HIBADH: variants seen among roughly 807,000 people sequenced by gnomAD.
The protein encoded by HIBADH is 3-hydroxyisobutyrate dehydrogenase, also known as 3-hydroxyisobutyrate dehydrogenase, mitochondrial.
Under a neutral mutation model 36.1 loss-of-function variants are expected in HIBADH, and 25 were observed. The ratio of observed to expected loss-of-function variants is 0.69; its 90% CI spans 0.50 to 0.97. The LOEUF is 0.97. Ranked by LOEUF, HIBADH falls within the 50% of genes least tolerant of loss-of-function variation. The pLI is 0.00. For synonymous variants in HIBADH, 160 were observed against 149.5 expected (o/e 1.07, Z -0.51); for missense variants, 421 against 418.0 (o/e 1.01, Z -0.06).
In HIBADH at chr7:27,662,808, C is replaced by G. The variant is rs1440276299; in HGVS notation, c.-20G>C. ...TGCCATGCTGCGCCCGCCCCTCTCC[C>G]CGCGGTGACCTCCGCCGCCTCCCGG... On this transcript the variant is annotated 5_prime_UTR_variant, in exon 1 of 8. Coordinates refer to ENST00000265395, the MANE Select transcript of HIBADH (RefSeq NM_152740.4). The G allele has an allele frequency of 6.8e-6, 10 of 1,463,874 alleles. No homozygotes were observed. In the Admixed American group the frequency reaches 2.3e-4, roughly 34 times the overall value. The allele number at this position is 1,463,874 out of a possible 1,614,324, so 90.7% of individuals were successfully genotyped here. A position where few individuals can be genotyped will look rare whatever the true frequency, so the allele number is the denominator to read the frequency against.
intron 4 of HIBADH, among the ~76,000 whole-genome samples, chr7:27,620,690 C>G (rs1200612319): frequency 6.6e-6 from 1 of 152,050 alleles, no homozygotes; most frequent in South Asian, 2.1e-4. Context: ...CATTTACCAT[C>G]ATGAAAACAC....
intron 4 of HIBADH, among the ~76,000 whole-genome samples, chr7:27,588,751 T>C (rs1784899599): frequency 6.6e-6 from 1 of 152,228 alleles, no homozygotes; most frequent in South Asian, 2.1e-4. Flanking sequence ...ATCTGAGCAA[T>C]CAATACTCTA....
At chr7:27,527,401 G>A (rs143026732) in intron 7 of HIBADH, among the ~76,000 whole-genome samples, 11 of 152,128 alleles carry the variant, frequency 7.2e-5, no homozygotes, top group Non-Finnish European at 1.3e-4. Context: ...CAACACAAAC[G>A]AGGCTCAGCC....
At chr7:27,609,523 AT>A (rs1209973440) in intron 4 of HIBADH, among the ~76,000 whole-genome samples, 2 of 152,212 alleles carry the variant, frequency 1.3e-5, no homozygotes, top group African/African-American at 4.8e-5. Context: ...AAGTAAAATT[AT>A]GGGAAAATGT....
intron 2 of HIBADH, among the ~76,000 whole-genome samples, chr7:27,646,134 A>G (rs888299816): frequency 4.6e-5 from 7 of 152,216 alleles, no homozygotes; most frequent in African/African-American, 1.7e-4. Context: ...AACAACCCAT[A>G]CAATAGATAA....
At chr7:27,626,434 T>C (rs1785650071) in intron 4 of HIBADH, among the ~76,000 whole-genome samples, 1 of 152,144 alleles carries the variant, frequency 6.6e-6, no homozygotes, top group African/African-American at 2.4e-5. Context: ...TTAAAAGAAG[T>C]CATATAGCAC....
At chr7:27,570,705 G>T (rs1264262345) in intron 4 of HIBADH, among the ~76,000 whole-genome samples, 1 of 151,930 alleles carries the variant, frequency 6.6e-6, no homozygotes, top group Non-Finnish European at 1.5e-5. Context: ...AATAATGCTG[G>T]GGGCGGTGGG....
chr7:27,553,247 CCACAATACACAGCAGCAGAAAA>C (rs1305854093), intron 4 of HIBADH, among the ~76,000 whole-genome samples: 1 of 152,084 alleles, frequency 6.6e-6, no homozygotes, highest in Admixed American at 6.6e-5. Context: ...ACAGCTGAAA[CCACAATACACAGCAGCAGAAAA>C]CATTAGTTTT....
chr7:27,632,543 G>T, intron 2 of HIBADH, 98 bp from the exon 3 acceptor site: 5 of 531,886 alleles, frequency 9.4e-6, no homozygotes, highest in Non-Finnish European at 1.4e-5. Flanking sequence ...CTATAACAGT[G>T]ACAGTGCATA....
intron 2 of HIBADH, among the ~76,000 whole-genome samples, chr7:27,638,482 T>C (rs150771616): frequency 6.6e-6 from 1 of 152,006 alleles, no homozygotes; most frequent in African/African-American, 2.4e-5. Context: ...CCTAAAGCTA[T>C]AAAAACCTGG....
intron 4 of HIBADH, among the ~76,000 whole-genome samples, chr7:27,601,284 GATT>G (rs1785126962): frequency 6.6e-6 from 1 of 152,020 alleles, no homozygotes; most frequent in African/African-American, 2.4e-5. Flanking sequence ...ACTACTGAAA[GATT>G]ATATATATTG....
intron 4 of HIBADH, among the ~76,000 whole-genome samples, chr7:27,583,105 A>G (rs541929518): frequency 2.4e-4 from 36 of 152,232 alleles, no homozygotes; most frequent in African/African-American, 7.5e-4. Context: ...TTATTCCACA[A>G]AACTTTTTTT....
intron 2 of HIBADH, among the ~76,000 whole-genome samples, chr7:27,635,370 A>T (rs1293714847): frequency 2.0e-5 from 3 of 152,346 alleles, no homozygotes; most frequent in East Asian, 3.9e-4. Flanking sequence ...TGAATGGATA[A>T]GCAAAGACAG....
intron 4 of HIBADH, among the ~76,000 whole-genome samples, chr7:27,556,395 C>A (rs1260474409): frequency 6.6e-6 from 1 of 152,016 alleles, no homozygotes; most frequent in Non-Finnish European, 1.5e-5. Flanking sequence ...TGCCTTTTAA[C>A]TTTTCTTTTT....
chr7:27,626,859 A>G (rs1256633361), intron 4 of HIBADH, among the ~76,000 whole-genome samples: 1 of 152,208 alleles, frequency 6.6e-6, no homozygotes, highest in African/African-American at 2.4e-5. Flanking sequence ...CTTGGGAGAA[A>G]GGGATGGGGA....
intron 1 of HIBADH, among the ~76,000 whole-genome samples, chr7:27,660,232 A>G (rs1457304434): frequency 6.6e-6 from 1 of 152,244 alleles, no homozygotes; most frequent in African/African-American, 2.4e-5. Flanking sequence ...TTACTATCTG[A>G]ACATGGTTCT....
chr7:27,649,711 A>G (rs1786144006), intron 1 of HIBADH, 78 bp from the exon 2 acceptor site: 1 of 1,336,370 alleles, frequency 7.5e-7, no homozygotes, highest in East Asian at 2.5e-5. Flanking sequence ...TAGCAAGTCA[A>G]TTGTTAGATT....
Position 27,525,953 on chromosome 7 carries a change from T to C in HIBADH, c.*261A>G, listed in dbSNP as rs894191263. 7 of 239,738 alleles carry C rather than the reference T, an allele frequency of 2.9e-5. No homozygotes were observed. Among genetic ancestry groups the C allele is most frequent in the African/African-American group, 1.3e-4 (6 of 44,580 alleles). The allele number at this position is 239,738 out of a possible 1,614,324, so 14.9% of individuals were successfully genotyped here. The stretch of plus-strand genomic sequence containing the variant: ...TATTCAATGATTTAGTTGAGGATGC[T>C]TGGGGATCAAACTTTGTAAAAAGGT... On this transcript the variant is annotated 3_prime_UTR_variant, in exon 8 of 8. Transcript: ENST00000265395.
At chr7:27,638,669 T>C (rs2128295535) in intron 2 of HIBADH, among the ~76,000 whole-genome samples, 2 of 151,796 alleles carry the variant, frequency 1.3e-5, no homozygotes, top group East Asian at 3.9e-4. Context: ...ACCTACCTAA[T>C]GGGAGAAAAT....
Sources: allele counts gnomAD v4.1 joint callset (sites outside exome capture counted in the v4.1 genomes callset), GRCh38; gene constraint gnomAD v4.1.1; transcripts MANE v1.5; gene names NCBI Gene and HGNC (gene_info 2026-07-23, HGNC 2026-07-21).